The following NGEF variants were observed in gnomAD, a reference collection of about 807,000 sequenced individuals.
NGEF encodes ephexin-1.
In NGEF, 31 loss-of-function variants were observed where a neutral mutation model predicts 80.9. That is an observed-to-expected ratio of 0.38 (90% CI 0.29 to 0.52). NGEF has a LOEUF of 0.52. NGEF is among the 20% of genes least tolerant of loss of function. The probability of loss-of-function intolerance (pLI) is 0.84; values close to 1 mark genes in which losing one functional copy is unlikely to be tolerated. For missense variants in NGEF, 709 were observed against 926.2 expected (o/e 0.77, Z 3.04); for synonymous variants, 371 against 370.2 (o/e 1.00, Z -0.03).
chr2:232,964,368 C>T (rs998696486), intron 3 of NGEF, among the ~76,000 whole-genome samples: 1 of 152,114 alleles, frequency 6.6e-6, no homozygotes, highest in Non-Finnish European at 1.5e-5. Flanking sequence ...GGTAGATAAG[C>T]AAATTGTGGC....
chr2:232,897,222 C>T (rs1191079493), intron 5 of NGEF, among the ~76,000 whole-genome samples: 1 of 151,846 alleles, frequency 6.6e-6, no homozygotes, highest in African/African-American at 2.4e-5. Context: ...CTCCACTCAT[C>T]AGAGCCCTGA....
In NGEF at chr2:232,879,420, G is replaced by GCGC; in HGVS notation, c.*68_*69insGCG. 1 of 1,228,156 alleles carries GCGC rather than the reference G, an allele frequency of 8.1e-7. No homozygotes were observed. The highest frequency in any genetic ancestry group is 1.5e-5 in the South Asian group (1 of 65,146). The allele number at this position is 1,228,156 out of a possible 1,614,324, so 76.1% of individuals were successfully genotyped here. ...GAGGTGCTGGCCTGTGCTTCCCAGA[G>GCGC]CCCCCCCCCCCCCACCTTCTGTCGG... On this transcript the variant is annotated 3_prime_UTR_variant, in exon 15 of 15. Coordinates refer to ENST00000264051, the MANE Select transcript of NGEF (RefSeq NM_019850.3).
At chr2:233,012,511 G>A (rs6710482) in intron 1 of NGEF, 2,908 of 226,486 alleles carry the variant, frequency 0.013, 87 homozygotes, top group African/African-American at 0.065. Context: ...GTCACTTCAC[G>A]ACTATGACTT....
In NGEF at chr2:232,984,216, C is replaced by T. The variant is rs974021435; in HGVS notation, c.-74-9252G>A. On this transcript the variant is annotated intron_variant, in intron 1 of 14. Transcript: ENST00000264051. ...CCTCCTTCCTCAGCCTCCCCAGTAGCGAGGACTACAGGCACATACCACCAT... is the reference window on the plus strand; with the variant it reads ...CCTCCTTCCTCAGCCTCCCCAGTAGTGAGGACTACAGGCACATACCACCAT... 6.6e-5 allele frequency among the ~76,000 whole-genome samples: 10 copies of T among 152,050 alleles called. No homozygotes were observed. In the South Asian group the frequency reaches 1.2e-3, roughly 19 times the overall value.
chr2:232,910,556 A>G (rs146175297), intron 5 of NGEF, among the ~76,000 whole-genome samples: 229 of 152,298 alleles, frequency 1.5e-3, no homozygotes, highest in African/African-American at 5.3e-3. Flanking sequence ...CCCAAAGTCA[A>G]CAGCGCCACT....
intron 1 of NGEF, among the ~76,000 whole-genome samples, chr2:232,982,738 T>C (rs1694459271): frequency 6.6e-6 from 1 of 152,226 alleles, no homozygotes; most frequent in Admixed American, 6.5e-5. Context: ...GGTCTCGAAC[T>C]CCTGACCTCA....
intron 5 of NGEF, among the ~76,000 whole-genome samples, chr2:232,906,042 G>A (rs570427693): frequency 1.2e-4 from 16 of 128,888 alleles, no homozygotes; most frequent in African/African-American, 4.5e-4. Flanking sequence ...CCCCCCGCCC[G>A]GCCAGCCGCC....
chr2:232,916,974 A>G (rs1305531990), intron 5 of NGEF, among the ~76,000 whole-genome samples: 1 of 152,266 alleles, frequency 6.6e-6, no homozygotes, highest in Non-Finnish European at 1.5e-5. Flanking sequence ...CCAGGCGCTC[A>G]GGGCAGAGGC....
At chr2:232,939,351 G>A (rs1038224786) in intron 3 of NGEF, among the ~76,000 whole-genome samples, 1 of 151,998 alleles carries the variant, frequency 6.6e-6, no homozygotes, top group Non-Finnish European at 1.5e-5. Context: ...CAAATAGAAA[G>A]TGATATTATT....
intron 5 of NGEF, among the ~76,000 whole-genome samples, chr2:232,911,500 C>A (rs1462990210): frequency 6.6e-6 from 1 of 152,118 alleles, no homozygotes; most frequent in Non-Finnish European, 1.5e-5. Flanking sequence ...GTTATCTTGC[C>A]TTTTCTGATA....
Position 232,959,491 on chromosome 2 carries a change from A to T in NGEF, c.383+10723T>A, listed in dbSNP as rs538591745. 2.2e-4 allele frequency among the ~76,000 whole-genome samples: 33 copies of T among 152,308 alleles called. No homozygotes were observed. The South Asian group carries it at 6.8e-3, about 32-fold the overall frequency. Reference sequence around the variant, plus strand: ...AAATACATACAAGGAACAGTGTGGAAATGGGACATTGCCCAGCATCAGCAC... The same window carrying T: ...AAATACATACAAGGAACAGTGTGGATATGGGACATTGCCCAGCATCAGCAC... On this transcript the variant is annotated intron_variant, in intron 3 of 14. Coordinates refer to ENST00000264051, the MANE Select transcript of NGEF (RefSeq NM_019850.3).
At chr2:232,932,741 C>T (rs766266392) in intron 3 of NGEF, among the ~76,000 whole-genome samples, 1 of 152,002 alleles carries the variant, frequency 6.6e-6, no homozygotes, top group Non-Finnish European at 1.5e-5. Context: ...TTCCTGGCTG[C>T]GGACGGCTGA....
At position 232,881,779 on chromosome 2, in the gene NGEF, G is replaced by A. The variant is rs950324361; in HGVS notation, c.1837+407C>T. The stretch of plus-strand genomic sequence containing the variant: ...TTTAGTAGAGACGGGGTTTTGCTAT[G>A]TTGGCCAGGCTTGTCTCGAGCTCCT... On this transcript the variant is annotated intron_variant, in intron 13 of 14. Transcript: ENST00000264051. Among the ~76,000 whole-genome samples the A allele has an allele frequency of 3.3e-5, 5 of 152,294 alleles. No homozygotes were observed. In the East Asian group the frequency reaches 9.7e-4, roughly 29 times the overall value.
Position 232,884,009 on chromosome 2 carries a change from G to A in NGEF, c.1573C>T (p.Leu525=), listed in dbSNP as rs770491177. The A allele has an allele frequency of 1.2e-6, 2 of 1,612,186 alleles. No homozygotes were observed. Among genetic ancestry groups the A allele is most frequent in the East Asian group, 2.2e-5 (1 of 44,772 alleles). ...HEIYLFLFND[L]LVICRQIPGD... ...GGAATCTGCCGGCAGATCACCAGCA[G>A]GTCGTTGAACAGGAAGAGGTAAATT... The change falls in exon 11 of 15, where the codon CTG becomes TTG. Residue 525 remains leucine (L), a synonymous_variant. Coordinates refer to ENST00000264051, the MANE Select transcript of NGEF (RefSeq NM_019850.3).
intron 3 of NGEF, among the ~76,000 whole-genome samples, chr2:232,959,236 G>T (rs954945805): frequency 2.6e-5 from 4 of 152,036 alleles, no homozygotes; most frequent in African/African-American, 9.7e-5. Flanking sequence ...TTTTATGACT[G>T]TGCCTGCATG....
At position 233,004,161 on chromosome 2, in the gene NGEF, C is replaced by T. The variant is rs149012266; in HGVS notation, c.-75+8907G>A. ...CTCACCTGCCCCTCTGTCCTTGTAC[C>T]CAAGGTCCTTGAGAAAGCTGGAGGC... On this transcript the variant is annotated intron_variant, in intron 1 of 14. Transcript: ENST00000264051. Among the ~76,000 whole-genome samples the T allele has an allele frequency of 2.0e-3, 297 of 152,246 alleles. 1 individual carries two copies. Among genetic ancestry groups the T allele is most frequent in the Non-Finnish European group, 3.2e-3 (216 of 68,008 alleles).
rs374272424 is a variant in NGEF, at chr2:232,977,161, C to CAG, written c.-74-2199_-74-2198dup. On this transcript the variant is annotated intron_variant, in intron 1 of 14. Coordinates refer to ENST00000264051, the MANE Select transcript of NGEF (RefSeq NM_019850.3). ...AACCGTTCTTGAGCCAGCAAGAGGA[C>CAG]AGAGAGAGAGAGAGGCTTCCAACCT... 2.6e-5 allele frequency among the ~76,000 whole-genome samples: 4 copies of CAG among 151,168 alleles called. No individual in the cohort carries two copies. In the East Asian group the frequency reaches 5.8e-4, roughly 22 times the overall value.
chr2:232,900,228 TCA>T (rs1195823052), intron 5 of NGEF, among the ~76,000 whole-genome samples: 221 of 122,306 alleles, frequency 1.8e-3, no homozygotes, highest in Admixed American at 0.011. Context: ...TCACTCACAT[TCA>T]CACACACACG....
chr2:232,919,763 G>A (rs891812077), intron 5 of NGEF, among the ~76,000 whole-genome samples: 9 of 152,286 alleles, frequency 5.9e-5, no homozygotes, highest in East Asian at 1.9e-4. Context: ...CCAGAGACAC[G>A]AATCCCAGAT....
Sources: allele counts gnomAD v4.1 joint callset (sites outside exome capture counted in the v4.1 genomes callset), GRCh38; gene constraint gnomAD v4.1.1; transcripts MANE v1.5; gene names NCBI Gene and HGNC (gene_info 2026-07-23, HGNC 2026-07-21).